ANTXR2: variants seen among roughly 807,000 people sequenced by gnomAD.
ANTXR2 encodes anthrax toxin receptor 2.
ANTXR2 carries 44 observed loss-of-function variants against 73.7 expected under a neutral mutation model. The observed-to-expected ratio is 0.60, with a 90% confidence interval of 0.47 to 0.77. ANTXR2 has a LOEUF of 0.77. Ranked by LOEUF, ANTXR2 falls within the 30% of genes least tolerant of loss-of-function variation. The pLI, the probability that ANTXR2 is intolerant of heterozygous loss-of-function variation, is 0.00. For missense variants in ANTXR2, 604 were observed against 592.5 expected (o/e 1.02, Z -0.20); for synonymous variants, 217 against 205.9 (o/e 1.05, Z -0.46).
At chr4:80,015,184 C>T (rs1731780603) in intron 11 of ANTXR2, among the ~76,000 whole-genome samples, 3 of 152,292 alleles carry the variant, frequency 2.0e-5, no homozygotes, top group African/African-American at 4.8e-5. Context: ...ACCTGCTTGA[C>T]ATTGCCAACC....
At chr4:80,065,718 C>T (rs961074532) in intron 3 of ANTXR2, among the ~76,000 whole-genome samples, 12 of 152,174 alleles carry the variant, frequency 7.9e-5, no homozygotes, top group African/African-American at 2.9e-4. Flanking sequence ...TAAGTATTTA[C>T]TACCTTCTAA....
chr4:80,027,928 G>A (rs1013242545), intron 10 of ANTXR2, among the ~76,000 whole-genome samples: 4 of 152,122 alleles, frequency 2.6e-5, no homozygotes, highest in African/African-American at 9.7e-5. Flanking sequence ...GAACATCAGA[G>A]AATGCATCCT....
At chr4:80,006,103 T>C (rs964115661) in intron 12 of ANTXR2, among the ~76,000 whole-genome samples, 1 of 152,114 alleles carries the variant, frequency 6.6e-6, no homozygotes, top group Admixed American at 6.6e-5. Context: ...ATCAGGTCAG[T>C]CAGGTTTCTC....
intron 12 of ANTXR2, among the ~76,000 whole-genome samples, chr4:80,001,795 G>A (rs1438435643): frequency 5.3e-5 from 8 of 151,236 alleles, no homozygotes; most frequent in Admixed American, 1.3e-4. Flanking sequence ...TCCCTTTACC[G>A]TTATGTAATG....
chr4:79,947,453 T>C (rs1728557695), intron 16 of ANTXR2, among the ~76,000 whole-genome samples: 2 of 152,002 alleles, frequency 1.3e-5, no homozygotes, highest in Admixed American at 1.3e-4. Flanking sequence ...AAACTCATAG[T>C]GTTAAAAAAA....
chr4:79,916,807 T>C (rs1331806289), intron 16 of ANTXR2, among the ~76,000 whole-genome samples: 2 of 152,066 alleles, frequency 1.3e-5, no homozygotes, highest in African/African-American at 4.8e-5. Context: ...TGAAGGAGCA[T>C]ATAGTATACA....
At chr4:79,952,135 T>C (rs80345124) in intron 16 of ANTXR2, among the ~76,000 whole-genome samples, 13,760 of 151,276 alleles carry the variant, frequency 0.091, 723 homozygotes, top group Middle Eastern at 0.22. Context: ...GGAATTATAA[T>C]TGTGGAGTTT....
At chr4:79,957,485 AAACTT>A (rs1728933969) in intron 16 of ANTXR2, among the ~76,000 whole-genome samples, 1 of 152,122 alleles carries the variant, frequency 6.6e-6, no homozygotes. Context: ...AATTTGTAGA[AAACTT>A]AAGAATATCT....
intron 12 of ANTXR2, among the ~76,000 whole-genome samples, chr4:80,001,306 TCCCTCCC>T (rs1189950064): frequency 8.1e-6 from 1 of 123,216 alleles, no homozygotes; most frequent in African/African-American, 3.1e-5. Context: ...CCCGATGCTA[TCCCTCCC>T]CCCTCCCCCC....
At chr4:79,957,536 T>C (rs1010639259) in intron 16 of ANTXR2, among the ~76,000 whole-genome samples, 1 of 152,100 alleles carries the variant, frequency 6.6e-6, no homozygotes, top group African/African-American at 2.4e-5. Context: ...GAAATTTACT[T>C]CACTGTCATT....
At chr4:79,984,075 T>C in intron 13 of ANTXR2, 105 bp from the exon 14 acceptor site, 1 of 805,058 alleles carries the variant, frequency 1.2e-6, no homozygotes, top group South Asian at 1.8e-5. Context: ...GTCATTACTA[T>C]GGAAAAAACT....
At chr4:80,026,902 A>G (rs1732472486) in intron 10 of ANTXR2, among the ~76,000 whole-genome samples, 1 of 152,128 alleles carries the variant, frequency 6.6e-6, no homozygotes, top group South Asian at 2.1e-4. Context: ...CCAGAACCGT[A>G]TATAATACTT....
At chr4:79,983,207 T>C (rs1341522321) in intron 14 of ANTXR2, among the ~76,000 whole-genome samples, 1 of 152,138 alleles carries the variant, frequency 6.6e-6, no homozygotes, top group Admixed American at 6.5e-5. Context: ...GGCCTGTTTA[T>C]ACTGTTGTTA....
intron 10 of ANTXR2, among the ~76,000 whole-genome samples, chr4:80,024,139 T>C (rs936955396): frequency 6.6e-6 from 1 of 152,102 alleles, no homozygotes; most frequent in African/African-American, 2.4e-5. Flanking sequence ...AAAAAGGACA[T>C]GGACATTTAT....
intron 3 of ANTXR2, among the ~76,000 whole-genome samples, chr4:80,063,472 T>C (rs977123469): frequency 6.6e-6 from 1 of 151,634 alleles, no homozygotes; most frequent in Admixed American, 6.6e-5. Flanking sequence ...TGAAATAAAA[T>C]CAAACCACAT....
chr4:79,998,493 C>G (rs557675206), intron 12 of ANTXR2, among the ~76,000 whole-genome samples: 31 of 152,112 alleles, frequency 2.0e-4, no homozygotes, highest in African/African-American at 7.0e-4. Context: ...TTACCCCAAA[C>G]TATGCAACTA....
Position 79,907,345 on chromosome 4 carries a change from G to C in ANTXR2, c.*84C>G, listed in dbSNP as rs1040931371. The C allele has an allele frequency of 2.8e-6, 4 of 1,428,004 alleles. No homozygotes were observed. Among genetic ancestry groups the C allele is most frequent in the African/African-American group, 2.9e-5 (2 of 69,488 alleles). 88.5% of individuals were successfully genotyped at this position (1,428,004 alleles called of 1,614,324 possible). A position where few individuals can be genotyped will look rare whatever the true frequency, so the allele number is the denominator to read the frequency against. Reference sequence around the variant, plus strand: ...CTGCTCTTCCAAAAGCTTCTGAAATGCACTTGATTTTTTTCATTTGGTTGA... The same window carrying C: ...CTGCTCTTCCAAAAGCTTCTGAAATCCACTTGATTTTTTTCATTTGGTTGA... On this transcript the variant is annotated 3_prime_UTR_variant, in exon 17 of 17. Transcript: ENST00000403729.
At chr4:80,060,071 TTCAG>T (rs58170737) in intron 3 of ANTXR2, among the ~76,000 whole-genome samples, 19,492 of 152,050 alleles carry the variant, frequency 0.13, 2,683 homozygotes, top group East Asian at 0.71. Context: ...CTTTCAGGAT[TTCAG>T]TCAATGAGTC....
chr4:79,912,964 G>A (rs949307455), intron 16 of ANTXR2, among the ~76,000 whole-genome samples: 1 of 152,178 alleles, frequency 6.6e-6, no homozygotes, highest in East Asian at 1.9e-4. Context: ...ATGACTTCTC[G>A]CATTCTATGT....
Sources: allele counts gnomAD v4.1 joint callset (sites outside exome capture counted in the v4.1 genomes callset), GRCh38; gene constraint gnomAD v4.1.1; transcripts MANE v1.5; gene names NCBI Gene and HGNC (gene_info 2026-07-23, HGNC 2026-07-21).